DPP10: variants seen among roughly 807,000 people sequenced by gnomAD.
DPP10 encodes dipeptidyl peptidase like 10, also known as inactive dipeptidyl peptidase 10.
A neutral mutation model predicts 120.9 loss-of-function variants in DPP10; 33 were observed. The ratio of observed to expected loss-of-function variants is 0.27; its 90% CI spans 0.21 to 0.37. DPP10 has a LOEUF of 0.37. Among genes scored for constraint, DPP10 ranks in the 10% least tolerant of loss-of-function variants. The probability of loss-of-function intolerance (pLI) is 1.00; values close to 1 mark genes in which losing one functional copy is unlikely to be tolerated. For synonymous variants in DPP10, 337 were observed against 326.1 expected (o/e 1.03, Z -0.36); for missense variants, 816 against 942.8 (o/e 0.87, Z 1.76).
rs963207557 is a variant in DPP10, at chr2:115,340,651, T to C, written c.176-3166T>C. 2.0e-5 allele frequency among the ~76,000 whole-genome samples: 3 copies of C among 151,862 alleles called. No individual in the cohort carries two copies. In the East Asian group the frequency reaches 5.8e-4, roughly 29 times the overall value. On this transcript the variant is annotated intron_variant, in intron 2 of 25. Coordinates refer to ENST00000410059, the MANE Select transcript of DPP10 (RefSeq NM_020868.6). Reference sequence around the variant, plus strand: ...TGTGGTGGACTTACAGCCTTTTTTTTAAGTTAACATCTTCCTAAAAAATGT... The same window carrying C: ...TGTGGTGGACTTACAGCCTTTTTTTCAAGTTAACATCTTCCTAAAAAATGT...
chr2:115,840,565 C>G (rs533281381), intron 24 of DPP10, among the ~76,000 whole-genome samples, 185 bp from the exon 25 acceptor site: 1 of 151,974 alleles, frequency 6.6e-6, no homozygotes, highest in African/African-American at 2.4e-5. Flanking sequence ...ACCTTGTGAT[C>G]GGCCCACCTC....
chr2:114,746,226 C>A (rs566999538), intron 1 of DPP10, among the ~76,000 whole-genome samples: 1 of 152,250 alleles, frequency 6.6e-6, no homozygotes, highest in East Asian at 1.9e-4. Context: ...TCAATCCTTA[C>A]CCAAATGTCT....
chr2:114,677,682 T>C (rs532995346), intron 1 of DPP10, among the ~76,000 whole-genome samples: 2 of 152,284 alleles, frequency 1.3e-5, no homozygotes, highest in Admixed American at 1.3e-4. Flanking sequence ...TTTCAGCGAA[T>C]CAATATAGTT....
At chr2:114,795,954 A>T (rs1683671677) in intron 1 of DPP10, among the ~76,000 whole-genome samples, 1 of 152,210 alleles carries the variant, frequency 6.6e-6, no homozygotes, top group South Asian at 2.1e-4. Context: ...TCATAACTGC[A>T]TACAATTAAG....
chr2:115,434,146 C>G (rs1429200391), intron 3 of DPP10, among the ~76,000 whole-genome samples: 1 of 151,796 alleles, frequency 6.6e-6, no homozygotes, highest in Non-Finnish European at 1.5e-5. Flanking sequence ...CATTAGACAG[C>G]AAAGCAAATC....
chr2:115,162,216 C>A, intron 1 of DPP10: 1 of 1,557,674 alleles, frequency 6.4e-7, no homozygotes. Context: ...TGCGTGCGCT[C>A]CGGGGCCCGG....
chr2:115,147,090 T>G (rs2104875025), intron 1 of DPP10, among the ~76,000 whole-genome samples: 1 of 152,156 alleles, frequency 6.6e-6, no homozygotes, highest in African/African-American at 2.4e-5. Context: ...TATAAAAGTC[T>G]ATTTAATGTC....
At chr2:115,165,871 T>G (rs1483339877) in intron 1 of DPP10, among the ~76,000 whole-genome samples, 1 of 152,196 alleles carries the variant, frequency 6.6e-6, no homozygotes, top group East Asian at 1.9e-4. Flanking sequence ...AAAAGCATAT[T>G]TTTAAAAGCA....
chr2:115,540,459 C>G (rs2079110573), intron 5 of DPP10, among the ~76,000 whole-genome samples: 1 of 151,712 alleles, frequency 6.6e-6, no homozygotes, highest in Non-Finnish European at 1.5e-5. Flanking sequence ...CAAAGCTTGT[C>G]TATATTGGGA....
At chr2:115,666,060 C>T (rs1277463443) in intron 5 of DPP10, among the ~76,000 whole-genome samples, 1 of 152,080 alleles carries the variant, frequency 6.6e-6, no homozygotes, top group Non-Finnish European at 1.5e-5. Context: ...CCTCCACCCT[C>T]AAGTAGACCT....
rs577946449 is a variant in DPP10 at position 115,628,176 on chromosome 2, G to C, written c.442-61511G>C. On this transcript the variant is annotated intron_variant, in intron 5 of 25. Coordinates refer to ENST00000410059, the MANE Select transcript of DPP10 (RefSeq NM_020868.6). ...TTCCTATCTCTCCACAGCTTCACCA[G>C]CTCTGTTCTTTCTTAAATTTTTAAT... Among the ~76,000 whole-genome samples, 29 of 152,216 alleles carry C rather than the reference G, an allele frequency of 1.9e-4. No individual in the cohort carries two copies. In the East Asian group the frequency reaches 5.4e-3, roughly 28 times the overall value.
intron 12 of DPP10, among the ~76,000 whole-genome samples, chr2:115,764,754 G>A (rs12474129): frequency 0.087 from 13,184 of 151,982 alleles, 627 homozygotes; most frequent in South Asian, 0.13. Flanking sequence ...TATCACAGTT[G>A]ATTTTTTTCT....
At chr2:115,727,794 T>G (rs2092801858) in intron 7 of DPP10, 22 bp from the exon 8 acceptor site, 2 of 1,569,218 alleles carry the variant, frequency 1.3e-6, no homozygotes, top group Admixed American at 2.0e-5. Context: ...ATTTTTTGTT[T>G]GTTTCACATT....
rs932898666 is a variant in DPP10, at chr2:114,477,851, A to G, written c.60+35013A>G. ...TGTATGTACATAAATATATGCATGT[A>G]TAAATATATGTATATATGTACATAT... On this transcript the variant is annotated intron_variant, in intron 1 of 25. Coordinates refer to ENST00000410059, the MANE Select transcript of DPP10 (RefSeq NM_020868.6). 8.7e-5 allele frequency among the ~76,000 whole-genome samples: 7 copies of G among 80,430 alleles called. No homozygotes were observed. In the Admixed American group the frequency reaches 1.1e-3, roughly 13 times the overall value. 52.8% of individuals were successfully genotyped at this position (80,430 alleles called of 152,430 possible).
chr2:115,637,159 A>T (rs1408290433), intron 5 of DPP10, among the ~76,000 whole-genome samples: 2 of 152,220 alleles, frequency 1.3e-5, no homozygotes, highest in Non-Finnish European at 2.9e-5. Flanking sequence ...GAAAGTAATG[A>T]TACAAAAAGA....
intron 1 of DPP10, among the ~76,000 whole-genome samples, chr2:115,249,972 A>C (rs1361239973): frequency 6.6e-6 from 1 of 152,196 alleles, no homozygotes; most frequent in Non-Finnish European, 1.5e-5. Context: ...AAATCTATGC[A>C]GTACGCTGAC....
At chr2:114,656,223 G>C (rs570974735) in intron 1 of DPP10, among the ~76,000 whole-genome samples, 1 of 152,016 alleles carries the variant, frequency 6.6e-6, no homozygotes, top group East Asian at 1.9e-4. Flanking sequence ...GCTAAGATTC[G>C]GTTTGGGGTC....
At chr2:114,873,890 G>A (rs1015012513) in intron 1 of DPP10, among the ~76,000 whole-genome samples, 1 of 152,070 alleles carries the variant, frequency 6.6e-6, no homozygotes, top group African/African-American at 2.4e-5. Flanking sequence ...TTCAGAAATA[G>A]CACATTTCAA....
At chr2:114,883,827 C>A (rs1434197836) in intron 1 of DPP10, among the ~76,000 whole-genome samples, 1 of 152,128 alleles carries the variant, frequency 6.6e-6, no homozygotes, top group South Asian at 2.1e-4. Context: ...AATTGGAACC[C>A]TCATTTCACC....
Sources: gnomAD v4.1 joint callset for allele counts (sites outside exome capture counted in the v4.1 genomes callset) on GRCh38, gnomAD v4.1.1 for gene constraint, MANE v1.5 for transcripts, NCBI Gene and HGNC (gene_info 2026-07-23, HGNC 2026-07-21) for gene names.